Variants in CLEC4C observed in about 807,000 individuals in gnomAD.
The protein encoded by CLEC4C is C-type (calcium dependent, carbohydrate-recognition domain) lectin, superfamily member 11.
A neutral mutation model predicts 27.7 loss-of-function variants in CLEC4C; 17 were observed. The observed-to-expected ratio is 0.61, with a 90% CI of 0.42 to 0.92. CLEC4C has a LOEUF of 0.92. Ranked by LOEUF, CLEC4C falls within the 40% of genes least tolerant of loss-of-function variation. The pLI is 0.00. For missense variants in CLEC4C, 244 were observed against 257.3 expected, an observed-to-expected ratio of 0.95 and a Z score of 0.35; for synonymous variants, 80 against 80.8, an observed-to-expected ratio of 0.99 and a Z score of 0.06.
chr12:7,746,226 A>AG, intron 2 of CLEC4C, 105 bp downstream of exon 2: 1 of 656,816 alleles, frequency 1.5e-6, no homozygotes, highest in East Asian at 2.9e-5. Context: ...AAAAAAAAAA[A>AG]AAAAAAAGAA....
chr12:7,739,995 C>T (rs973697507), intron 3 of CLEC4C, among the ~76,000 whole-genome samples: 4 of 151,748 alleles, frequency 2.6e-5, no homozygotes, highest in East Asian at 1.9e-4. Context: ...ACACCACGCC[C>T]GGGTAATTTT....
intron 4 of CLEC4C, among the ~76,000 whole-genome samples, chr12:7,732,923 C>T (rs762920852): frequency 1.3e-5 from 2 of 151,482 alleles, no homozygotes; most frequent in Non-Finnish European, 2.9e-5. Flanking sequence ...ACTCCAGTCT[C>T]GGCGACAGAG....
At chr12:7,735,940 A>G (rs899702934) in intron 4 of CLEC4C, among the ~76,000 whole-genome samples, 2 of 152,160 alleles carry the variant, frequency 1.3e-5, no homozygotes, top group African/African-American at 4.8e-5. Context: ...TTGAATTTAG[A>G]TGTTAATATA....
At chr12:7,747,848 G>C (rs1865019209), upstream of CLEC4C, among the ~76,000 whole-genome samples, 1 of 138,186 alleles carries the variant, frequency 7.2e-6, no homozygotes, top group South Asian at 2.4e-4. Flanking sequence ...CATCATACTG[G>C]CCAGGCTTGT....
intron 5 of CLEC4C, among the ~76,000 whole-genome samples, chr12:7,730,278 G>A (rs903810784): frequency 6.6e-6 from 1 of 152,094 alleles, no homozygotes; most frequent in Non-Finnish European, 1.5e-5. Flanking sequence ...ATGTCCTTAC[G>A]TATTTGACAT....
Position 7,730,639 on chromosome 12 carries a change from TAAAAAAAAAA to T in CLEC4C, c.497+148_497+157del, listed in dbSNP as rs80129912. On this transcript the variant is annotated intron_variant, in intron 5 of 5. Coordinates refer to ENST00000360345, the MANE Select transcript of CLEC4C (RefSeq NM_001371390.1). ...TGGGTGATGGAGTGAGACTCTTGTC[TAAAAAAAAAA>T]AAAAAAAAGCACAACCCTTGATGTC... The T allele has an allele frequency of 2.1e-5, 6 of 286,158 alleles. No homozygotes were observed. The Middle Eastern group carries it at 6.2e-3, about 297-fold the overall frequency. 17.7% of individuals were successfully genotyped at this position (286,158 alleles called of 1,614,324 possible). A position where few individuals can be genotyped will look rare whatever the true frequency, so the allele number is the denominator to read the frequency against.
intron 3 of CLEC4C, 97 bp from the exon 4 acceptor site, chr12:7,737,671 C>G (rs1864759969): frequency 8.5e-7 from 1 of 1,180,400 alleles, no homozygotes; most frequent in South Asian, 1.5e-5. Flanking sequence ...TTAGTTTTCA[C>G]CTATGGATCT....
rs748593945 is a variant in CLEC4C at position 7,741,446 on chromosome 12, GCAGGT to G, written c.205_209del (p.Thr69ArgfsTer23). 6.2e-7 allele frequency: 1 copy of G among 1,605,402 alleles called. No homozygotes were observed. Among genetic ancestry groups the G allele is most frequent in the East Asian group, 2.2e-5 (1 of 44,854 alleles). On this transcript the variant is annotated frameshift_variant, in exon 3 of 6. Transcript: ENST00000360345. LOFTEE classifies it high-confidence loss of function. ...CTTCTATGTCCTTTCCTTCCATGAC[GCAGGT>G]CAGGCTTGGATGATACTGTTGATAC...
rs763722683 is a variant in CLEC4C at position 7,730,927 on chromosome 12, T to C, written c.382-15A>G. 1 of 1,353,664 alleles carries C rather than the reference T, an allele frequency of 7.4e-7. No homozygotes were observed. The highest frequency in any genetic ancestry group is 2.3e-5 in the East Asian group (1 of 43,538). 83.9% of individuals were successfully genotyped at this position (1,353,664 alleles called of 1,614,324 possible). On this transcript the variant is annotated splice_polypyrimidine_tract_variant and intron_variant, in intron 4 of 5. Coordinates refer to ENST00000360345, the MANE Select transcript of CLEC4C (RefSeq NM_001371390.1). ...ATGATGAAATCCTGAGGGAAGAAAA[T>C]GGAAGAGTCATAGCTGATAGAGCAG...
intron 4 of CLEC4C, among the ~76,000 whole-genome samples, chr12:7,735,952 G>A (rs1864715863): frequency 6.6e-6 from 1 of 151,996 alleles, no homozygotes; most frequent in Admixed American, 6.6e-5. Context: ...GTTAATATAT[G>A]GCTTTAATAG....
intron 4 of CLEC4C, among the ~76,000 whole-genome samples, chr12:7,733,582 C>A (rs1362919344): frequency 6.7e-6 from 1 of 148,342 alleles, no homozygotes; most frequent in East Asian, 2.0e-4. Flanking sequence ...CCTGGGTTCA[C>A]GCCATTCTCC....
At chr12:7,748,090 C>A (rs1865026176), upstream of CLEC4C, among the ~76,000 whole-genome samples, 1 of 152,044 alleles carries the variant, frequency 6.6e-6, no homozygotes, top group Non-Finnish European at 1.5e-5. Flanking sequence ...AGAGAAAATC[C>A]ATTATAGCCT....
At chr12:7,730,723 C>A in intron 5 of CLEC4C, 74 bp downstream of exon 5, 1 of 694,812 alleles carries the variant, frequency 1.4e-6, no homozygotes. Flanking sequence ...TGTTTGTTTG[C>A]TTAATAGCTG....
chr12:7,731,030 A>C, intron 4 of CLEC4C, 118 bp from the exon 5 acceptor site: 1 of 554,846 alleles, frequency 1.8e-6, no homozygotes, highest in Admixed American at 2.8e-5. Context: ...CAAGGAAATC[A>C]CTTCTCTTCT....
rs776524285 is a variant in CLEC4C, at chr12:7,745,213, G to A, written c.124+1118C>T. ...GGTTTAGATGAGGTTATGAGGGGGG[G>A]CTCTCATGGTGAGATGAATGCTCTT... is the stretch of plus-strand genomic sequence containing the variant. On this transcript the variant is annotated intron_variant, in intron 2 of 5. Transcript: ENST00000360345. Among the ~76,000 whole-genome samples, 116 of 152,020 alleles carry A rather than the reference G, an allele frequency of 7.6e-4. 1 individual carries two copies. Among genetic ancestry groups the A allele is most frequent in the Middle Eastern group, 3.4e-3 (1 of 294 alleles).
intron 2 of CLEC4C, among the ~76,000 whole-genome samples, chr12:7,742,006 GC>G (rs1864867491): frequency 6.9e-6 from 1 of 144,660 alleles, no homozygotes; most frequent in South Asian, 2.2e-4. Flanking sequence ...GGACGACAGA[GC>G]AAGACTGTGT....
intron 3 of CLEC4C, among the ~76,000 whole-genome samples, chr12:7,740,223 C>T (rs1307389977): frequency 6.6e-6 from 1 of 151,976 alleles, no homozygotes; most frequent in African/African-American, 2.4e-5. Context: ...GGTGATTACC[C>T]CTCCTCAGCC....
At chr12:7,748,951 G>A (rs1319093000), upstream of CLEC4C, among the ~76,000 whole-genome samples, 2 of 152,196 alleles carry the variant, frequency 1.3e-5, no homozygotes, top group Non-Finnish European at 2.9e-5. Context: ...AGCTACAGCT[G>A]AAGAGGATAA....
intron 2 of CLEC4C, among the ~76,000 whole-genome samples, chr12:7,743,556 T>A (rs1388742975): frequency 1.4e-5 from 2 of 141,586 alleles, no homozygotes; most frequent in African/African-American, 4.9e-5. Context: ...GGCTAATTTT[T>A]TTTGTATTTT....
Sources: gnomAD v4.1 joint callset for allele counts (sites outside exome capture counted in the v4.1 genomes callset) on GRCh38, gnomAD v4.1.1 for gene constraint, MANE v1.5 for transcripts, NCBI Gene and HGNC (gene_info 2026-07-23, HGNC 2026-07-21) for gene names.